Variants in ALLC observed in about 807,000 individuals in gnomAD.
ALLC encodes the protein probable inactive allantoicase.
A neutral mutation model predicts 45.0 loss-of-function variants in ALLC; 40 were observed. The observed-to-expected ratio is 0.89, with a 90% CI of 0.69 to 1.16. ALLC has a LOEUF of 1.16. ALLC is among the 50% of genes most tolerant of loss of function. The probability of loss-of-function intolerance (pLI) is 0.00; values close to 1 mark genes in which losing one functional copy is unlikely to be tolerated. For synonymous variants in ALLC, 176 were observed against 178.1 expected (o/e 0.99, Z 0.09); for missense variants, 488 against 493.1 (o/e 0.99, Z 0.10).
At chr2:3,666,434 G>A (rs1274347854) in intron 1 of ALLC, among the ~76,000 whole-genome samples, 1 of 152,244 alleles carries the variant, frequency 6.6e-6, no homozygotes, top group African/African-American at 2.4e-5. Flanking sequence ...ATGAAGGGGT[G>A]TGTGCAGGGG....
chr2:3,678,512 G>T lies in ALLC; in HGVS notation c.129G>T (p.Gly43=). ...AAGAGCATGAATATACGGAGTTTGGGAAATGGATGGATGGCTGGGAGACCA... is the reference window on the plus strand; with the variant it reads ...AAGAGCATGAATATACGGAGTTTGGTAAATGGATGGATGGCTGGGAGACCA... ...CFKEHEYTEF[G]KWMDGWETRR... The change falls in exon 4 of 12, where the codon GGG becomes GGT. Residue 43 remains glycine (G), a synonymous_variant. Coordinates refer to ENST00000252505, the MANE Select transcript of ALLC (RefSeq NM_018436.4). 1 of 1,614,062 alleles carries T rather than the reference G, an allele frequency of 6.2e-7. No individual in the cohort carries two copies. Among genetic ancestry groups the T allele is most frequent in the Non-Finnish European group, 8.5e-7 (1 of 1,179,900 alleles).
chr2:3,650,626 C>G, the ALLC span, among the ~76,000 whole-genome samples: 2 of 152,182 alleles, frequency 1.3e-5, no homozygotes, highest in African/African-American at 4.8e-5. Flanking sequence ...ACCTCCCTTC[C>G]AGATGCTCTG....
At chr2:3,671,064 C>T (rs1666855461) in intron 1 of ALLC, 32 bp from the exon 2 acceptor site, 2 of 1,407,650 alleles carry the variant, frequency 1.4e-6, no homozygotes, top group South Asian at 1.2e-5. Flanking sequence ...CCGCAGCCCC[C>T]AAGGTTGACC....
intron 1 of ALLC, among the ~76,000 whole-genome samples, chr2:3,663,600 C>G (rs571502509): frequency 3.5e-4 from 53 of 151,958 alleles, no homozygotes; most frequent in African/African-American, 1.2e-3. Context: ...AAAAAAGACT[C>G]TATGTCAGAA....
chr2:3,698,963 T>C (rs1418276953), intron 10 of ALLC, among the ~76,000 whole-genome samples: 1 of 152,234 alleles, frequency 6.6e-6, no homozygotes, highest in African/African-American at 2.4e-5. Flanking sequence ...GTAGTGCCTA[T>C]AATTATTTCA....
At chr2:3,658,963 T>C (rs1666506052) in intron 1 of ALLC, among the ~76,000 whole-genome samples, 1 of 151,368 alleles carries the variant, frequency 6.6e-6, no homozygotes, top group Non-Finnish European at 1.5e-5. Flanking sequence ...TAGAACTAAA[T>C]GTAAATATAT....
At chr2:3,670,599 C>T (rs1048712955) in intron 1 of ALLC, among the ~76,000 whole-genome samples, 1 of 152,144 alleles carries the variant, frequency 6.6e-6, no homozygotes, top group African/African-American at 2.4e-5. Flanking sequence ...GGCTCCAGAG[C>T]GTGGCCTGGC....
intron 6 of ALLC, 38 bp from the exon 7 acceptor site, chr2:3,682,904 T>G (rs780964237): frequency 1.9e-6 from 3 of 1,607,624 alleles, no homozygotes; most frequent in Non-Finnish European, 2.5e-6. Context: ...TTTATTGTTT[T>G]CAAGAGCAAT....
chr2:3,654,617 C>T (rs1014847133), upstream of ALLC, among the ~76,000 whole-genome samples: 1 of 152,228 alleles, frequency 6.6e-6, no homozygotes, highest in Non-Finnish European at 1.5e-5. Context: ...TCCCTGAGCA[C>T]TTGTCACGAG....
chr2:3,664,399 A>G (rs13389263), intron 1 of ALLC, among the ~76,000 whole-genome samples: 24,042 of 152,178 alleles, frequency 0.16, 2,068 homozygotes, highest in East Asian at 0.35. Context: ...GAGCTTGGCC[A>G]AGAGAATAAT....
Position 3,689,399 on chromosome 2 carries a change from T to G in ALLC, c.512-6318T>G, listed in dbSNP as rs552135243. Among the ~76,000 whole-genome samples, 139 of 151,220 alleles carry G rather than the reference T, an allele frequency of 9.2e-4. 3 individuals carry two copies. The Middle Eastern group carries it at 0.017, about 19-fold the overall frequency. ...CTTTGTTGTATCCCATATATTTTTG[T>G]ATGTTGTATTTCCATTTTCATTTGT... On this transcript the variant is annotated intron_variant, in intron 7 of 11. Coordinates refer to ENST00000252505, the MANE Select transcript of ALLC (RefSeq NM_018436.4).
At chr2:3,648,926 T>A in the ALLC span, among the ~76,000 whole-genome samples, 1 of 152,188 alleles carries the variant, frequency 6.6e-6, no homozygotes, top group African/African-American at 2.4e-5. Flanking sequence ...GAGGATTACA[T>A]GACACGATGT....
chr2:3,688,236 A>G (rs872877), intron 7 of ALLC: 75,618 of 168,868 alleles, frequency 0.45, 19,928 homozygotes, highest in African/African-American at 0.66. Context: ...ATATTTGTCA[A>G]GTTTCTCCAG....
At chr2:3,674,043 C>A in intron 2 of ALLC, 32 bp from the exon 3 acceptor site, 1 of 1,453,266 alleles carries the variant, frequency 6.9e-7, no homozygotes, top group Non-Finnish European at 9.4e-7. Context: ...TTTATGGTTG[C>A]TTTATCTTTC....
At position 3,702,559 on chromosome 2, in the gene ALLC, C is replaced by G. The variant is rs764086389; in HGVS notation, c.1172C>G (p.Pro391Arg). Residue 391 changes from proline to arginine, a missense_variant, in exon 12 of 12, where the codon CCT becomes CGT. Transcript: ENST00000252505. ...LKFSVSFKAN[P>R] ...TTCTCGGTGAGCTTCAAAGCAAACC[C>G]TTAACACACACAAAGCCCCGGTGTC... 6.4e-7 allele frequency: 1 copy of G among 1,562,226 alleles called. No homozygotes were observed. Among genetic ancestry groups the G allele is most frequent in the Admixed American group, 2.0e-5 (1 of 49,606 alleles).
chr2:3,676,607 C>G (rs1230178287), intron 3 of ALLC, among the ~76,000 whole-genome samples: 1 of 152,152 alleles, frequency 6.6e-6, no homozygotes, highest in East Asian at 1.9e-4. Flanking sequence ...TGTGTAGACC[C>G]AGGCCACCCT....
chr2:3,659,085 A>G (rs996878810), intron 1 of ALLC, among the ~76,000 whole-genome samples: 1 of 152,062 alleles, frequency 6.6e-6, no homozygotes, highest in African/African-American at 2.4e-5. Context: ...CACTTTTATT[A>G]TTTCACCATA....
chr2:3,676,745 C>T (rs35362305), intron 3 of ALLC, among the ~76,000 whole-genome samples: 2,139 of 152,136 alleles, frequency 0.014, 28 homozygotes, highest in Non-Finnish European at 0.019. Flanking sequence ...AGTGTGTGCA[C>T]GTGTGTCGGT....
intron 2 of ALLC, 81 bp from the exon 3 acceptor site, chr2:3,673,994 A>C (rs1241893130): frequency 9.2e-6 from 10 of 1,087,632 alleles, no homozygotes; most frequent in Non-Finnish European, 6.7e-6. Context: ...ACTTCATCTC[A>C]TAATGTTTCA....
Sources: allele counts gnomAD v4.1 joint callset (sites outside exome capture counted in the v4.1 genomes callset), GRCh38; gene constraint gnomAD v4.1.1; transcripts MANE v1.5; gene names NCBI Gene and HGNC (gene_info 2026-07-23, HGNC 2026-07-21).